Variants in ZFP1 observed in about 807,000 individuals in gnomAD.
ZFP1 encodes ZFP1 zinc finger protein, also known as zinc finger protein 1 homolog.
A neutral mutation model predicts 38.5 loss-of-function variants in ZFP1; 32 were observed. The ratio of observed to expected loss-of-function variants is 0.83; its 90% CI spans 0.63 to 1.12. ZFP1 has a LOEUF of 1.12. Ranked by LOEUF, ZFP1 falls within the 50% of genes most tolerant of loss-of-function variation. ZFP1 has a pLI of 0.00. For synonymous variants in ZFP1, 245 were observed against 168.8 expected, an observed-to-expected ratio of 1.45 and a Z score of -3.50; for missense variants, 616 against 480.8, an observed-to-expected ratio of 1.28 and a Z score of -2.63.
chr16:75,162,402 A>G (rs1411579542), intron 2 of ZFP1, among the ~76,000 whole-genome samples: 1 of 152,106 alleles, frequency 6.6e-6, no homozygotes, highest in East Asian at 1.9e-4. Context: ...GATTACAGGC[A>G]TGAGCCACTG....
intron 1 of ZFP1, among the ~76,000 whole-genome samples, chr16:75,152,086 A>G (rs779138361): frequency 1.3e-5 from 2 of 151,868 alleles, no homozygotes; most frequent in Admixed American, 6.6e-5. Context: ...CATTATCTTG[A>G]TTTTTCTACA....
intron 2 of ZFP1, among the ~76,000 whole-genome samples, chr16:75,157,566 T>C (rs749251572): frequency 2.6e-5 from 4 of 152,048 alleles, no homozygotes; most frequent in Non-Finnish European, 4.4e-5. Flanking sequence ...TGGTATTTGA[T>C]TGATAGCTAG....
chr16:75,164,885 A>T (rs2037979716), intron 2 of ZFP1, among the ~76,000 whole-genome samples: 1 of 151,932 alleles, frequency 6.6e-6, no homozygotes, highest in Admixed American at 6.6e-5. Context: ...GACTTACCGC[A>T]ACGTCCACTT....
intron 1 of ZFP1, among the ~76,000 whole-genome samples, chr16:75,152,556 CTATTTGTT>C (rs1290761304): frequency 6.6e-6 from 1 of 152,148 alleles, no homozygotes; most frequent in African/African-American, 2.4e-5. Context: ...CTGAAATTCC[CTATTTGTT>C]TATTCATGTT....
At chr16:75,120,685 T>TC in the ZFP1 span, among the ~76,000 whole-genome samples, 1 of 152,204 alleles carries the variant, frequency 6.6e-6, no homozygotes, top group Admixed American at 6.5e-5. Flanking sequence ...CACTGCAAGC[T>TC]CCGCCTCCCG....
At chr16:75,163,743 C>A (rs1488912174) in intron 2 of ZFP1, among the ~76,000 whole-genome samples, 1 of 151,894 alleles carries the variant, frequency 6.6e-6, no homozygotes, top group Non-Finnish European at 1.5e-5. Context: ...TCCCACATAG[C>A]TGGGACTACA....
At chr16:75,130,419 A>G in the ZFP1 span, among the ~76,000 whole-genome samples, 1 of 152,036 alleles carries the variant, frequency 6.6e-6, no homozygotes, top group Non-Finnish European at 1.5e-5. Context: ...TGGGAGGGAA[A>G]CGTGCAATTT....
rs1567545508 is a variant in ZFP1, at chr16:75,170,305, CAG to C, written c.1200_1201del (p.Arg400SerfsTer27). On this transcript the variant is annotated frameshift_variant, in exon 4 of 4. Transcript: ENST00000570010. LOFTEE classifies it high-confidence loss of function. ...FSRKSRLSVHQRVHIGEKP is the reference protein window; with the variant it reads ...FSRKSRLSVHXRVHIGEKP ...CAGGAAGTCCCGACTCAGTGTCCAT[CAG>C]AGAGTTCACATCGGGGAGAAACCCT... is the stretch of plus-strand genomic sequence containing the variant. 11 of 1,597,988 alleles carry C rather than the reference CAG, an allele frequency of 6.9e-6. No individual in the cohort carries two copies. The highest frequency in any genetic ancestry group is 3.4e-5 in the South Asian group (3 of 88,708).
chr16:75,139,686 G>A, the ZFP1 span, among the ~76,000 whole-genome samples: 1 of 152,114 alleles, frequency 6.6e-6, no homozygotes, highest in Non-Finnish European at 1.5e-5. Context: ...TGATAAGAGT[G>A]GCTTTGTTTA....
chr16:75,124,603 G>A, the ZFP1 span, among the ~76,000 whole-genome samples: 31 of 150,608 alleles, frequency 2.1e-4, no homozygotes, highest in African/African-American at 6.0e-4. Context: ...CTAACACGGT[G>A]AAACCCCATC....
In ZFP1 at chr16:75,170,503, ATG is replaced by A. The variant is rs1396982668; in HGVS notation, c.*172_*173del. On this transcript the variant is annotated 3_prime_UTR_variant, in exon 4 of 4. Coordinates refer to ENST00000570010, the MANE Select transcript of ZFP1 (RefSeq NM_153688.4). The stretch of plus-strand genomic sequence containing the variant: ...ATGAGAACATTATACTGGAAGTTAC[ATG>A]TGATACCCAGCTAAAGAATACATAT... The A allele has an allele frequency of 1.1e-5, 11 of 983,548 alleles. No homozygotes were observed. The highest frequency in any genetic ancestry group is 6.7e-5 in the Admixed American group (2 of 29,642). 60.9% of individuals were successfully genotyped at this position (983,548 alleles called of 1,614,324 possible). A position where few individuals can be genotyped will look rare whatever the true frequency, so the allele number is the denominator to read the frequency against.
At chr16:75,167,591 T>C (rs1015458690) in intron 3 of ZFP1, among the ~76,000 whole-genome samples, 1 of 152,118 alleles carries the variant, frequency 6.6e-6, no homozygotes, top group Non-Finnish European at 1.5e-5. Context: ...TGAGTGGGCA[T>C]GTGTCTTTTT....
At chr16:75,121,425 A>G in the ZFP1 span, among the ~76,000 whole-genome samples, 2 of 152,058 alleles carry the variant, frequency 1.3e-5, no homozygotes. Context: ...ACACCCGGCA[A>G]ATTTCTTTAA....
the ZFP1 span, among the ~76,000 whole-genome samples, chr16:75,122,994 AC>A: frequency 6.6e-6 from 1 of 152,230 alleles, no homozygotes; most frequent in Admixed American, 6.5e-5. Flanking sequence ...ATAAATATAG[AC>A]AAACTCATAA....
At chr16:75,121,738 G>T in the ZFP1 span, among the ~76,000 whole-genome samples, 1 of 149,696 alleles carries the variant, frequency 6.7e-6, no homozygotes, top group South Asian at 2.1e-4. Context: ...ACTGGCTTAA[G>T]AAAATAAAAG....
At chr16:75,151,538 T>G (rs1056891847) in intron 1 of ZFP1, among the ~76,000 whole-genome samples, 2 of 152,236 alleles carry the variant, frequency 1.3e-5, no homozygotes, top group African/African-American at 4.8e-5. Flanking sequence ...GTTGTTACCC[T>G]AAAGTTTAGT....
chr16:75,128,785 T>G, the ZFP1 span, among the ~76,000 whole-genome samples: 1 of 152,166 alleles, frequency 6.6e-6, no homozygotes, highest in Non-Finnish European at 1.5e-5. Flanking sequence ...AGCCACTTTT[T>G]TTGTTGTTTG....
the ZFP1 span, among the ~76,000 whole-genome samples, chr16:75,140,670 T>C: frequency 4.6e-4 from 70 of 151,964 alleles, no homozygotes; most frequent in African/African-American, 1.6e-3. Flanking sequence ...ATAAAAACAC[T>C]TGGGGGAGGC....
intron 2 of ZFP1, among the ~76,000 whole-genome samples, chr16:75,156,030 G>A (rs1289950399): frequency 6.6e-6 from 1 of 152,154 alleles, no homozygotes; most frequent in Non-Finnish European, 1.5e-5. Flanking sequence ...ACACTAGCTA[G>A]TGTTAGCTAA....
Sources: gnomAD v4.1 joint callset for allele counts (sites outside exome capture counted in the v4.1 genomes callset) on GRCh38, gnomAD v4.1.1 for gene constraint, MANE v1.5 for transcripts, NCBI Gene and HGNC (gene_info 2026-07-23, HGNC 2026-07-21) for gene names.